Variants in DCC observed in about 807,000 individuals in gnomAD.
DCC encodes the protein netrin receptor DCC.
A neutral mutation model predicts 172.5 loss-of-function variants in DCC; 58 were observed. That is an observed-to-expected ratio of 0.34 (90% CI 0.27 to 0.42). DCC has a LOEUF of 0.42. Among genes scored for constraint, DCC ranks in the 10% least tolerant of loss-of-function variants. The probability of loss-of-function intolerance (pLI) is 1.00; values close to 1 mark genes in which losing one functional copy is unlikely to be tolerated. For synonymous variants in DCC, 709 were observed against 644.5 expected, an observed-to-expected ratio of 1.10 and a Z score of -1.52; for missense variants, 1,740 against 1,791.0, an observed-to-expected ratio of 0.97 and a Z score of 0.51.
chr18:52,778,005 ATTAC>A (rs80242234), intron 2 of DCC, among the ~76,000 whole-genome samples: 4,030 of 152,290 alleles, frequency 0.026, 79 homozygotes, highest in Middle Eastern at 0.082. Flanking sequence ...CAACAATTGT[ATTAC>A]TTACAAGGGT....
chr18:53,414,702 G>T (rs1910200522), intron 20 of DCC, among the ~76,000 whole-genome samples: 1 of 152,076 alleles, frequency 6.6e-6, no homozygotes, highest in Admixed American at 6.6e-5. Context: ...CAAAAAATTA[G>T]CCAGGCGTGG....
chr18:53,026,360 A>G (rs1328706686), intron 5 of DCC, among the ~76,000 whole-genome samples: 1 of 152,094 alleles, frequency 6.6e-6, no homozygotes, highest in Non-Finnish European at 1.5e-5. Context: ...CTTTTTAGCC[A>G]TCACTTAAAA....
chr18:52,472,857 T>C (rs530396241), intron 1 of DCC, among the ~76,000 whole-genome samples: 2 of 152,228 alleles, frequency 1.3e-5, no homozygotes, highest in Admixed American at 6.5e-5. Flanking sequence ...CAGTCAACTA[T>C]GATTGTGCCA....
At chr18:52,373,786 T>C (rs1365029940) in intron 1 of DCC, among the ~76,000 whole-genome samples, 1 of 152,222 alleles carries the variant, frequency 6.6e-6, no homozygotes, top group African/African-American at 2.4e-5. Context: ...ACCTTAGTCA[T>C]TGTTTAGCTT....
At chr18:53,247,578 A>ATTTG (rs5825000) in intron 12 of DCC, among the ~76,000 whole-genome samples, 65,384 of 151,486 alleles carry the variant, frequency 0.43, 14,541 homozygotes, top group East Asian at 0.61. Flanking sequence ...TACTTTGTTT[A>ATTTG]TTTGTTTAGA....
At chr18:53,300,332 G>C (rs999940037) in intron 12 of DCC, among the ~76,000 whole-genome samples, 1 of 152,116 alleles carries the variant, frequency 6.6e-6, no homozygotes, top group Non-Finnish European at 1.5e-5. Flanking sequence ...TGAAGAAAGA[G>C]ATGCTCTGTC....
At chr18:53,066,829 A>T (rs2042577688) in intron 7 of DCC, among the ~76,000 whole-genome samples, 1 of 152,114 alleles carries the variant, frequency 6.6e-6, no homozygotes, top group African/African-American at 2.4e-5. Flanking sequence ...AGGAAGCATG[A>T]TGCTGGCCAT....
Position 52,397,253 on chromosome 18 carries a change from C to T in DCC, c.91+56375C>T, listed in dbSNP as rs140942879. ...ATATTCTGGGGAAGAGCTCCCAAAA[C>T]GCATACTTCTAAATTCCTGGGAGAT... On this transcript the variant is annotated intron_variant, in intron 1 of 28. Coordinates refer to ENST00000442544, the MANE Select transcript of DCC (RefSeq NM_005215.4). Among the ~76,000 whole-genome samples, 64 of 152,104 alleles carry T rather than the reference C, an allele frequency of 4.2e-4. No individual in the cohort carries two copies. The East Asian group carries it at 8.4e-3, about 20-fold the overall frequency.
At chr18:53,459,591 A>C (rs1289323447) in intron 24 of DCC, 133 bp downstream of exon 24, 1 of 699,246 alleles carries the variant, frequency 1.4e-6, no homozygotes, top group Admixed American at 2.1e-5. Context: ...AGTTAAATGG[A>C]TCTAATATAA....
At chr18:52,692,970 AGCC>A in intron 1 of DCC, among the ~76,000 whole-genome samples, 1 of 152,288 alleles carries the variant, frequency 6.6e-6, no homozygotes, top group East Asian at 1.9e-4. Flanking sequence ...CTGATATAGA[AGCC>A]AGGAGAGTTT....
intron 1 of DCC, among the ~76,000 whole-genome samples, chr18:52,434,064 C>A (rs561033199): frequency 6.6e-6 from 1 of 152,148 alleles, no homozygotes; most frequent in African/African-American, 2.4e-5. Context: ...GGCTTTCTTG[C>A]ATAATCAGAG....
intron 1 of DCC, among the ~76,000 whole-genome samples, chr18:52,515,924 A>G (rs2031624135): frequency 8.4e-6 from 1 of 118,730 alleles, no homozygotes; most frequent in Non-Finnish European, 2.0e-5. Context: ...CCAGTTAGAA[A>G]ATGGAAAAAA....
At chr18:53,351,450 T>TATAC (rs1195238354) in intron 15 of DCC, among the ~76,000 whole-genome samples, 1 of 50,344 alleles carries the variant, frequency 2.0e-5, no homozygotes, top group Non-Finnish European at 3.9e-5. Flanking sequence ...AGTGTATATA[T>TATAC]ATATATACAC....
At chr18:52,818,831 A>T (rs764406776) in intron 2 of DCC, among the ~76,000 whole-genome samples, 1 of 152,234 alleles carries the variant, frequency 6.6e-6, no homozygotes, top group Non-Finnish European at 1.5e-5. Flanking sequence ...TGGTGCAATA[A>T]AGAATCATTA....
At chr18:53,079,015 A>T (rs911947465) in intron 7 of DCC, among the ~76,000 whole-genome samples, 1 of 152,152 alleles carries the variant, frequency 6.6e-6, no homozygotes, top group Non-Finnish European at 1.5e-5. Flanking sequence ...ACATCGCCTG[A>T]GTTGTATGAA....
intron 15 of DCC, among the ~76,000 whole-genome samples, chr18:53,367,994 G>C (rs1025429461): frequency 1.3e-5 from 2 of 152,040 alleles, no homozygotes; most frequent in Non-Finnish European, 2.9e-5. Flanking sequence ...ATTGCTTGAG[G>C]CTCTACCATA....
At chr18:52,354,262 G>A (rs1984260975) in intron 1 of DCC, among the ~76,000 whole-genome samples, 1 of 152,116 alleles carries the variant, frequency 6.6e-6, no homozygotes, top group Non-Finnish European at 1.5e-5. Context: ...TACCTATGAT[G>A]GGGAGGGGAG....
chr18:52,587,277 G>A (rs563170752), intron 1 of DCC, among the ~76,000 whole-genome samples: 2 of 152,302 alleles, frequency 1.3e-5, no homozygotes, highest in Non-Finnish European at 2.9e-5. Context: ...CTATGTTGCT[G>A]AGCCCATGTG....
intron 12 of DCC, among the ~76,000 whole-genome samples, chr18:53,240,026 T>TAAAAAAAAA (rs68158437): frequency 1.9e-3 from 129 of 68,900 alleles, no homozygotes; most frequent in Middle Eastern, 0.01. Flanking sequence ...GTTCTAGAGT[T>TAAAAAAAAA]AAAAAAAAAA....
Sources: allele counts gnomAD v4.1 joint callset (sites outside exome capture counted in the v4.1 genomes callset), GRCh38; gene constraint gnomAD v4.1.1; transcripts MANE v1.5; gene names NCBI Gene and HGNC (gene_info 2026-07-23, HGNC 2026-07-21).